Variants in DDR1 observed in about 807,000 individuals in gnomAD.
The protein encoded by DDR1 is epithelial discoidin domain-containing receptor 1.
A neutral mutation model predicts 97.4 loss-of-function variants in DDR1; 64 were observed. The observed-to-expected ratio is 0.66, with a 90% CI of 0.54 to 0.81. The LOEUF (loss-of-function observed/expected upper bound fraction) is 0.81. Ranked by LOEUF, DDR1 falls within the 30% of genes least tolerant of loss-of-function variation. The pLI is 0.00. For missense variants in DDR1, 990 were observed against 1,259.6 expected (o/e 0.79, Z 3.24); for synonymous variants, 458 against 503.7 (o/e 0.91, Z 1.21).
At chr6:30,887,096 C>T (rs1197724583) in intron 1 of DDR1, 1 of 152,094 alleles carries the variant, frequency 6.6e-6, no homozygotes, top group Non-Finnish European at 1.5e-5. Flanking sequence ...CACCCTGGGC[C>T]TAGAGGGCTA....
At position 30,888,888 on chromosome 6, in the gene DDR1, C is replaced by G. The variant is rs561834338; in HGVS notation, c.86-20C>G. The G allele has an allele frequency of 6.2e-7, 1 of 1,612,952 alleles. No homozygotes were observed. The highest frequency in any genetic ancestry group is 1.1e-5 in the South Asian group (1 of 91,060). On this transcript the variant is annotated intron_variant, in intron 2 of 17. Transcript: ENST00000376568. The surrounding 1 kb of genome is among the most constrained non-coding windows in gnomAD (Gnocchi z 4.2). ...GAGAGTTGGGGGCCTTGACCTGTTA[C>G]ATGCCTGCTTTTTACTCAGCCAAGT...
rs541283277 is a variant in DDR1, at chr6:30,889,579, T to C, written c.417+149T>C. The C allele has an allele frequency of 3.6e-5, 20 of 562,538 alleles. No individual in the cohort carries two copies. The African/African-American group carries it at 3.9e-4, about 11-fold the overall frequency. The allele number at this position is 562,538 out of a possible 1,614,324, so 34.8% of individuals were successfully genotyped here. ...TGAGCTCCAAACAATATTGTAAACC[T>C]GGCCACCTTTTGGATTTCTCCACTT... is the stretch of plus-strand genomic sequence containing the variant. On this transcript the variant is annotated intron_variant, in intron 4 of 17. Coordinates refer to ENST00000376568, the MANE Select transcript of DDR1 (RefSeq NM_001297654.2). This position sits in a 1 kb window ranked among gnomAD's most constrained non-coding sequence, Gnocchi z 4.9.
rs1404261547 is a variant in DDR1, at chr6:30,899,190, G to GCCTA, written c.2637_2640dup (p.Tyr881ProfsTer3). ...TCCCGGCCGCCTGCCTGCCCGCAGG[G>GCCTA]CCTATATGAGCTGATGCTTCGGTGC... On this transcript the variant is annotated frameshift_variant, in exon 18 of 18. Coordinates refer to ENST00000376568, the MANE Select transcript of DDR1 (RefSeq NM_001297654.2). LOFTEE classifies it high-confidence loss of function. The GCCTA allele has an allele frequency of 4.3e-6, 7 of 1,614,122 alleles. No individual in the cohort carries two copies. Among genetic ancestry groups the GCCTA allele is most frequent in the Non-Finnish European group, 5.9e-6 (7 of 1,180,048 alleles).
At position 30,891,526 on chromosome 6, in the gene DDR1, ACT is replaced by A; in HGVS notation, c.665+48_665+49del. ...TATGGAGTTTGGGGTGGGAGGGAGG[ACT>A]GTGTGTGTGTGTGTGTGTGTGTGTG... On this transcript the variant is annotated intron_variant, in intron 6 of 17. Coordinates refer to ENST00000376568, the MANE Select transcript of DDR1 (RefSeq NM_001297654.2). This position sits in a 1 kb window ranked among gnomAD's most constrained non-coding sequence, Gnocchi z 5.3. The A allele has an allele frequency of 1.1e-6, 1 of 938,310 alleles. No homozygotes were observed. The highest frequency in any genetic ancestry group is 1.6e-6 in the Non-Finnish European group (1 of 614,806). 58.1% of individuals were successfully genotyped at this position (938,310 alleles called of 1,614,324 possible). A position where few individuals can be genotyped will look rare whatever the true frequency, so the allele number is the denominator to read the frequency against.
In DDR1 at chr6:30,899,783, C is replaced by G. The variant is rs955827924; in HGVS notation, c.*487C>G. On this transcript the variant is annotated 3_prime_UTR_variant, in exon 18 of 18. Coordinates refer to ENST00000376568, the MANE Select transcript of DDR1 (RefSeq NM_001297654.2). ...AGGAGAGGAAAATGTTTCCTTGTGC[C>G]TGCTCCTGTACTTGTCCTCAGCTTG... 8.8e-6 allele frequency: 3 copies of G among 340,926 alleles called. No individual in the cohort carries two copies. Among genetic ancestry groups the G allele is most frequent in the African/African-American group, 4.2e-5 (2 of 47,666 alleles). The allele number at this position is 340,926 out of a possible 1,614,324, so 21.1% of individuals were successfully genotyped here.
At chr6:30,884,517 T>G (rs1218731339), upstream of DDR1, 1 of 151,276 alleles carries the variant, frequency 6.6e-6, no homozygotes, top group Non-Finnish European at 1.5e-5. This position sits in a 1 kb window ranked among gnomAD's most constrained non-coding sequence, Gnocchi z 6.1. Context: ...GCCCCAGCCC[T>G]GGCTCCTCTC....
In DDR1 at chr6:30,891,203, C is replaced by G; in HGVS notation, c.565+83C>G. On this transcript the variant is annotated intron_variant, in intron 5 of 17. Transcript: ENST00000376568. This position sits in a 1 kb window ranked among gnomAD's most constrained non-coding sequence, Gnocchi z 5.3. ...AGTGTGGAGAATGGGCATCCAGGAT[C>G]CCTTCTCCTGCTGGGAAGCTGTCAC... 1 of 1,569,080 alleles carries G rather than the reference C, an allele frequency of 6.4e-7. No individual in the cohort carries two copies. The highest frequency in any genetic ancestry group is 8.7e-7 in the Non-Finnish European group (1 of 1,153,166).
chr6:30,889,226 G>A lies in DDR1; in HGVS notation c.213G>A (p.Gly71=), dbSNP rs146275209. The A allele has an allele frequency of 5.2e-4, 831 of 1,613,054 alleles. 1 individual carries two copies. In the African/African-American group the frequency reaches 7.9e-3, roughly 15 times the overall value. ...GGTTGGAGAGCAGTGACGGGGATGG[G>A]GCCTGGTGCCCCGCAGGGTCGGTGT... is the stretch of plus-strand genomic sequence containing the variant. ...HSRLESSDGD[G]AWCPAGSVFP... is the part of the protein sequence containing the mutation. Residue 71 remains glycine, a synonymous_variant, in exon 4 of 18, where the codon GGG becomes GGA. Coordinates refer to ENST00000376568, the MANE Select transcript of DDR1 (RefSeq NM_001297654.2). This position sits in a 1 kb window ranked among gnomAD's most constrained non-coding sequence, Gnocchi z 4.9.
In DDR1 at chr6:30,897,945, TCA is replaced by T; in HGVS notation, c.2217-126_2217-125del. 1.4e-6 allele frequency: 1 copy of T among 696,796 alleles called. No individual in the cohort carries two copies. The highest frequency in any genetic ancestry group is 2.5e-6 in the Non-Finnish European group (1 of 404,374). 43.2% of individuals were successfully genotyped at this position (696,796 alleles called of 1,614,324 possible). A position where few individuals can be genotyped will look rare whatever the true frequency, so the allele number is the denominator to read the frequency against. On this transcript the variant is annotated intron_variant, in intron 15 of 17. Transcript: ENST00000376568. The surrounding 1 kb of genome is among the most constrained non-coding windows in gnomAD (Gnocchi z 5.2). ...ATTGAGAGGGAAGTGACCCTTGGCCTCACGTGGGCATTCCACCTCCACATGGG... is the reference window on the plus strand; with the variant it reads ...ATTGAGAGGGAAGTGACCCTTGGCCTCGTGGGCATTCCACCTCCACATGGG...
chr6:30,891,908 A>G lies in DDR1; in HGVS notation c.666-94A>G, dbSNP rs960715639. ...CTAGTGGATGGGAGCCAGGCTGGCC[A>G]TGCCACTGTGCCGGAGGGTGGCGGA... On this transcript the variant is annotated intron_variant, in intron 6 of 17. Coordinates refer to ENST00000376568, the MANE Select transcript of DDR1 (RefSeq NM_001297654.2). The surrounding 1 kb of genome is among the most constrained non-coding windows in gnomAD (Gnocchi z 5.3). 6 of 1,398,006 alleles carry G rather than the reference A, an allele frequency of 4.3e-6. No individual in the cohort carries two copies. Among genetic ancestry groups the G allele is most frequent in the African/African-American group, 2.8e-5 (2 of 70,788 alleles). 86.6% of individuals were successfully genotyped at this position (1,398,006 alleles called of 1,614,324 possible). A position where few individuals can be genotyped will look rare whatever the true frequency, so the allele number is the denominator to read the frequency against.
rs761318267 is a variant in DDR1, at chr6:30,897,051, T to C, written c.1907T>C (p.Val636Ala). 8.7e-6 allele frequency: 14 copies of C among 1,613,722 alleles called. No homozygotes were observed. The highest frequency in any genetic ancestry group is 1.3e-5 in the African/African-American group (1 of 74,940). ...LCEVDSPQDL[V>A]SLDFPLNVRK... ...GAGGTCGACAGCCCTCAAGATCTGG[T>C]TAGTCTTGATTTCCCCCTTAATGTG... The change falls in exon 14 of 18, where the codon GTT becomes GCT. Residue 636 changes from valine (V) to alanine (A), a missense_variant. Physicochemically the swap from Val to Ala is moderately conservative, Grantham distance 64 (BLOSUM62 0). Coordinates refer to ENST00000376568, the MANE Select transcript of DDR1 (RefSeq NM_001297654.2). The surrounding 1 kb of genome is among the most constrained non-coding windows in gnomAD (Gnocchi z 5.2).
intron 11 of DDR1, 50 bp from the exon 12 acceptor site, chr6:30,895,354 C>T: frequency 7.0e-7 from 1 of 1,430,692 alleles, no homozygotes; most frequent in Non-Finnish European, 9.7e-7. Context: ...GTCTGTCTAG[C>T]CTTGAGTCTC....
intron 16 of DDR1, among the ~76,000 whole-genome samples, chr6:30,898,560 T>G (rs1791789433): frequency 1.3e-5 from 2 of 151,298 alleles, no homozygotes; most frequent in East Asian, 1.9e-4. Context: ...AGAGATGAGG[T>G]TGGGCGAGGA....
chr6:30,894,021 G>A lies in DDR1; in HGVS notation c.1348-485G>A, dbSNP rs1305340624. 6.6e-6 allele frequency among the ~76,000 whole-genome samples: 1 copy of A among 152,102 alleles called. No individual in the cohort carries two copies. The highest frequency in any genetic ancestry group is 1.5e-5 in the Non-Finnish European group (1 of 68,014). The stretch of plus-strand genomic sequence containing the variant: ...TCCTAGCACTTTGGGAGGCCGAGGC[G>A]GGAGGATCACCTGAGGTCAAGAGTT... On this transcript the variant is annotated intron_variant, in intron 10 of 17. Coordinates refer to ENST00000376568, the MANE Select transcript of DDR1 (RefSeq NM_001297654.2). This position sits in a 1 kb window ranked among gnomAD's most constrained non-coding sequence, Gnocchi z 5.7.
At position 30,888,536 on chromosome 6, in the gene DDR1, A is replaced by G; in HGVS notation, c.-42-152A>G. ...TTAGGCCAGTGTCTGGCACAGGGGA[A>G]GCATTCTAAAAATATAGCTGATGCT... On this transcript the variant is annotated intron_variant, in intron 1 of 17. Transcript: ENST00000376568. The surrounding 1 kb of genome is among the most constrained non-coding windows in gnomAD (Gnocchi z 4.2). 1.2e-6 allele frequency: 1 copy of G among 851,994 alleles called. No homozygotes were observed. The highest frequency in any genetic ancestry group is 1.8e-6 in the Non-Finnish European group (1 of 562,498). 52.8% of individuals were successfully genotyped at this position (851,994 alleles called of 1,614,324 possible).
rs149035593 is a variant in DDR1, at chr6:30,897,449, G to A, written c.2068G>A (p.Val690Met). 7.1e-5 allele frequency: 115 copies of A among 1,613,822 alleles called. No individual in the cohort carries two copies. The highest frequency in any genetic ancestry group is 2.1e-4 in the African/African-American group (16 of 74,906). The change falls in exon 15 of 18, where the codon GTG becomes ATG. Residue 690 changes from valine to methionine, a missense_variant. By Grantham distance (21) the Val-to-Met change is conservative (BLOSUM62 1). Coordinates refer to ENST00000376568, the MANE Select transcript of DDR1 (RefSeq NM_001297654.2). The surrounding 1 kb of genome is among the most constrained non-coding windows in gnomAD (Gnocchi z 5.2). ...CCCAAACATCATTCGGCTGCTGGGCGTGTGTGTGCAGGACGACCCCCTCTG... is the reference window on the plus strand; with the variant it reads ...CCCAAACATCATTCGGCTGCTGGGCATGTGTGTGCAGGACGACCCCCTCTG... ...KDPNIIRLLG[V>M]CVQDDPLCMI...
intron 1 of DDR1, among the ~76,000 whole-genome samples, chr6:30,887,253 A>G (rs182643001): frequency 4.6e-5 from 7 of 152,286 alleles, no homozygotes; most frequent in Non-Finnish European, 1.0e-4. Flanking sequence ...GAATTGCCCA[A>G]CCTTTCCTGG....
At chr6:30,895,158 A>G (rs1790247160) in intron 11 of DDR1, among the ~76,000 whole-genome samples, 2 of 151,896 alleles carry the variant, frequency 1.3e-5, no homozygotes, top group South Asian at 4.2e-4. Flanking sequence ...CCATCTTTCC[A>G]TCTGTTATCC....
chr6:30,895,684 T>C (rs1411246870), intron 12 of DDR1, among the ~76,000 whole-genome samples, 170 bp downstream of exon 12: 2 of 152,166 alleles, frequency 1.3e-5, no homozygotes, highest in Admixed American at 1.3e-4. Flanking sequence ...TGCTGCTTGC[T>C]CTTTTTTAAG....
Sources: allele counts gnomAD v4.1 joint callset (sites outside exome capture counted in the v4.1 genomes callset), GRCh38; gene constraint gnomAD v4.1.1; non-coding constraint Gnocchi (gnomAD v3.1); transcripts MANE v1.5; gene names NCBI Gene and HGNC (gene_info 2026-07-23, HGNC 2026-07-21).